Variants in RNF180 observed in about 807,000 individuals in gnomAD.
RNF180 encodes the protein ring finger protein 180.
In RNF180, 38 loss-of-function variants were observed where a neutral mutation model predicts 59.2. The ratio of observed to expected loss-of-function variants is 0.64; its 90% CI spans 0.50 to 0.84. RNF180 has a LOEUF of 0.84. RNF180 is among the 40% of genes least tolerant of loss of function. The pLI is 0.00. For synonymous variants in RNF180, 262 were observed against 240.3 expected (o/e 1.09, Z -0.84); for missense variants, 705 against 700.9 (o/e 1.01, Z -0.07).
intron 1 of RNF180, among the ~76,000 whole-genome samples, chr5:64,181,986 C>CTTTT (rs1190089130): frequency 1.1e-3 from 102 of 94,594 alleles, no homozygotes; most frequent in East Asian, 1.8e-3. Context: ...CTGCTACTGT[C>CTTTT]TTTTTTTTTT....
intron 5 of RNF180, among the ~76,000 whole-genome samples, chr5:64,276,372 T>C (rs1243707312): frequency 8.7e-6 from 1 of 114,958 alleles, no homozygotes; most frequent in Non-Finnish European, 1.8e-5. Flanking sequence ...AAAAACCACA[T>C]TGGTGTGTGT....
chr5:64,336,032 T>A, intron 7 of RNF180, among the ~76,000 whole-genome samples: 1 of 152,158 alleles, frequency 6.6e-6, no homozygotes, highest in East Asian at 1.9e-4. Context: ...TCTCCTTTTT[T>A]GAAACTTCAG....
intron 5 of RNF180, among the ~76,000 whole-genome samples, chr5:64,229,675 G>A (rs764065911): frequency 1.3e-5 from 2 of 152,162 alleles, no homozygotes; most frequent in African/African-American, 2.4e-5. Context: ...TATTTTTAAG[G>A]GTTAGGGTTA....
At chr5:64,359,459 T>C (rs1746159376) in intron 7 of RNF180, among the ~76,000 whole-genome samples, 1 of 152,166 alleles carries the variant, frequency 6.6e-6, no homozygotes, top group African/African-American at 2.4e-5. Flanking sequence ...GTTCATGTCC[T>C]TCGCCCACTT....
chr5:64,226,361 C>CAA lies in RNF180; in HGVS notation c.1227+8965_1227+8966insAA, dbSNP rs761160151. Among the ~76,000 whole-genome samples, 111 of 152,288 alleles carry CAA rather than the reference C, an allele frequency of 7.3e-4. 1 individual carries two copies. The highest frequency in any genetic ancestry group is 2.3e-3 in the Admixed American group (35 of 15,308). On this transcript the variant is annotated intron_variant, in intron 5 of 7. Coordinates refer to ENST00000389100, the MANE Select transcript of RNF180 (RefSeq NM_001113561.2). ...GGGATGCTGTTGATCTATAACCTTA[C>CAA]CCCCAACCCCATGCTCTCTGAAACA... is the stretch of plus-strand genomic sequence containing the variant.
At chr5:64,272,028 CACAT>C (rs1741438490) in intron 5 of RNF180, among the ~76,000 whole-genome samples, 1 of 151,978 alleles carries the variant, frequency 6.6e-6, no homozygotes, top group African/African-American at 2.4e-5. Context: ...AACTATTAAA[CACAT>C]ATTGTAACTT....
chr5:64,261,228 C>T (rs1744321168), intron 5 of RNF180, among the ~76,000 whole-genome samples: 1 of 152,046 alleles, frequency 6.6e-6, no homozygotes, highest in African/African-American at 2.4e-5. Flanking sequence ...CAGTTTTATC[C>T]TTTTGGATTC....
intron 1 of RNF180, among the ~76,000 whole-genome samples, chr5:64,184,937 T>C (rs1015354606): frequency 1.3e-5 from 2 of 152,236 alleles, no homozygotes; most frequent in Admixed American, 6.5e-5. Context: ...TTCATGGCTT[T>C]AGAGAACCAT....
At chr5:64,266,386 G>A (rs1744680722) in intron 5 of RNF180, among the ~76,000 whole-genome samples, 1 of 146,870 alleles carries the variant, frequency 6.8e-6, no homozygotes, top group Non-Finnish European at 1.5e-5. Flanking sequence ...TCATTTATTG[G>A]TTATAACTAT....
chr5:64,334,483 C>T (rs1324765868), intron 7 of RNF180, among the ~76,000 whole-genome samples: 1 of 152,046 alleles, frequency 6.6e-6, no homozygotes, highest in African/African-American at 2.4e-5. Context: ...AAAAAAATCG[C>T]ACATAGGATT....
chr5:64,234,575 GTTCTTTTTTTTTTT>G (rs1435037026), intron 5 of RNF180, among the ~76,000 whole-genome samples: 3 of 77,692 alleles, frequency 3.9e-5, no homozygotes, highest in African/African-American at 8.0e-5. Context: ...GCAGTTACCC[GTTCTTTTTTTTTTT>G]TTTTTTTTTT....
chr5:64,185,366 T>A (rs1013776096), intron 1 of RNF180, among the ~76,000 whole-genome samples: 1 of 152,222 alleles, frequency 6.6e-6, no homozygotes, highest in African/African-American at 2.4e-5. Flanking sequence ...TAAAAAGTAC[T>A]GCTTTATCTC....
intron 5 of RNF180, among the ~76,000 whole-genome samples, chr5:64,231,232 A>G (rs1742085769): frequency 6.6e-6 from 1 of 152,166 alleles, no homozygotes; most frequent in South Asian, 2.1e-4. Flanking sequence ...AATAACACAT[A>G]TGTAGCACAA....
chr5:64,195,397 T>G (rs1310784359), intron 1 of RNF180, among the ~76,000 whole-genome samples: 5 of 152,160 alleles, frequency 3.3e-5, no homozygotes, highest in Admixed American at 6.5e-5. Context: ...ATTAACCACC[T>G]CCTGTGTAGT....
At chr5:64,362,419 C>T (rs1176549903) in intron 7 of RNF180, among the ~76,000 whole-genome samples, 1 of 151,894 alleles carries the variant, frequency 6.6e-6, no homozygotes, top group African/African-American at 2.4e-5. Context: ...GCCATGATCT[C>T]ATTCTTTTTT....
At chr5:64,344,772 T>G (rs1464523897) in intron 7 of RNF180, among the ~76,000 whole-genome samples, 1 of 151,908 alleles carries the variant, frequency 6.6e-6, no homozygotes, top group Non-Finnish European at 1.5e-5. Context: ...CATTCTCTTC[T>G]GCTTGTTACA....
chr5:64,244,250 T>C (rs1743008342), intron 5 of RNF180, among the ~76,000 whole-genome samples: 2 of 152,138 alleles, frequency 1.3e-5, no homozygotes, highest in Admixed American at 1.3e-4. Flanking sequence ...GTTTGATGAA[T>C]TGACAGAAGT....
At chr5:64,304,031 T>C (rs1743305566) in intron 5 of RNF180, among the ~76,000 whole-genome samples, 1 of 151,656 alleles carries the variant, frequency 6.6e-6, no homozygotes. Context: ...AAATCTACTC[T>C]GCCTGTGTTC....
chr5:64,335,188 TGTTG>T (rs1745068854), intron 7 of RNF180, among the ~76,000 whole-genome samples: 1 of 152,220 alleles, frequency 6.6e-6, no homozygotes, highest in African/African-American at 2.4e-5. Flanking sequence ...TACGATTTTC[TGTTG>T]GTTGTATTTT....
Sources: allele counts gnomAD v4.1 joint callset (sites outside exome capture counted in the v4.1 genomes callset), GRCh38; gene constraint gnomAD v4.1.1; transcripts MANE v1.5; gene names NCBI Gene and HGNC (gene_info 2026-07-23, HGNC 2026-07-21).